KMT2A: variants seen among roughly 807,000 people sequenced by gnomAD.
KMT2A encodes lysine methyltransferase 2A.
Under a neutral mutation model 345.3 loss-of-function variants are expected in KMT2A, and 16 were observed. The ratio of observed to expected loss-of-function variants is 0.05; its 90% confidence interval spans 0.03 to 0.07. The LOEUF is 0.07. Among genes scored for constraint, KMT2A ranks in the 10% least tolerant of loss-of-function variants. The probability of loss-of-function intolerance (pLI) is 1.00; values close to 1 mark genes in which losing one functional copy is unlikely to be tolerated. For synonymous variants in KMT2A, 1,599 were observed against 1,778.6 expected (o/e 0.90, Z 2.54); for missense variants, 3,272 against 4,841.6 (o/e 0.68, Z 9.62).
At position 118,504,931 on chromosome 11, in the gene KMT2A, T is replaced by A. The variant is rs142875797; in HGVS notation, c.9039T>A (p.Gly3013=). 3.4e-4 allele frequency: 551 copies of A among 1,614,200 alleles called. 4 individuals carry two copies. In the African/African-American group the frequency reaches 6.2e-3, roughly 18 times the overall value. Residue 3013 remains glycine, a synonymous_variant, in exon 27 of 36, where the codon GGT becomes GGA. Coordinates refer to ENST00000534358, the MANE Select transcript of KMT2A (RefSeq NM_001197104.2). This position sits in a 1 kb window ranked among gnomAD's most constrained non-coding sequence, Gnocchi z 6.4. ...ACCACATCTCTAGCCCTCCTTGTGG[T>A]TCAGTAGAGCAAGGTCATGGCAACA... is the stretch of plus-strand genomic sequence containing the variant. ...DADHISSPPC[G]SVEQGHGNNQ...
intron 3 of KMT2A, among the ~76,000 whole-genome samples, chr11:118,474,830 A>G (rs145474318): frequency 2.6e-4 from 40 of 152,310 alleles, no homozygotes; most frequent in African/African-American, 9.4e-4. Flanking sequence ...GCAGAATACA[A>G]ATGAGAAGTA....
rs1555046985 is a variant in KMT2A, at chr11:118,503,974, A to G, written c.8082A>G (p.Ser2694=). Residue 2694 remains serine, a synonymous_variant, in exon 27 of 36, where the codon TCA becomes TCG. Coordinates refer to ENST00000534358, the MANE Select transcript of KMT2A (RefSeq NM_001197104.2). The surrounding 1 kb of genome is among the most constrained non-coding windows in gnomAD (Gnocchi z 5.3). ...YYNFTRTVIS[S]GGEERLASHN... ...ACTTCACTAGAACAGTGATTTCTTCAGGTGGAGAGGAACGACTGGCATCCC... is the reference window on the plus strand; with the variant it reads ...ACTTCACTAGAACAGTGATTTCTTCGGGTGGAGAGGAACGACTGGCATCCC... 6.2e-7 allele frequency: 1 copy of G among 1,614,202 alleles called. No homozygotes were observed. Among genetic ancestry groups the G allele is most frequent in the Admixed American group, 1.7e-5 (1 of 60,024 alleles).
intron 1 of KMT2A, among the ~76,000 whole-genome samples, chr11:118,451,457 G>A (rs1054357237): frequency 4.6e-5 from 7 of 151,366 alleles, no homozygotes; most frequent in Non-Finnish European, 8.8e-5. Context: ...GCGCAATTTC[G>A]GCTCATTGCA....
chr11:118,451,053 G>T (rs1343433581), intron 1 of KMT2A, among the ~76,000 whole-genome samples: 2 of 151,976 alleles, frequency 1.3e-5, no homozygotes, highest in Admixed American at 6.6e-5. Flanking sequence ...CCTAAAAATG[G>T]CTATCATAAA....
At chr11:118,500,013 T>A in intron 24 of KMT2A, 100 bp downstream of exon 24, 1 of 733,342 alleles carries the variant, frequency 1.4e-6, no homozygotes, top group Non-Finnish European at 2.4e-6. Flanking sequence ...TTAGCTACTT[T>A]AAACTGCTAC....
intron 1 of KMT2A, among the ~76,000 whole-genome samples, chr11:118,458,976 A>T (rs1949697295): frequency 6.6e-6 from 1 of 152,238 alleles, no homozygotes; most frequent in Admixed American, 6.5e-5. Flanking sequence ...CAAGTGCATC[A>T]GGAGTGATTT....
chr11:118,472,558 C>G lies in KMT2A; in HGVS notation c.1399C>G (p.Gln467Glu). 1 of 1,612,466 alleles carries G rather than the reference C, an allele frequency of 6.2e-7. No individual in the cohort carries two copies. Among genetic ancestry groups the G allele is most frequent in the Non-Finnish European group, 8.5e-7 (1 of 1,179,762 alleles). Residue 467 changes from glutamine to glutamate, a missense_variant, in exon 3 of 36, where the codon CAG becomes GAG. Transcript: ENST00000534358. ...TTCTGAAAAATCAAGTGCAGCTTCT[C>G]AGCACTCCTCTCAAATGTCTTCAGA... The part of the protein sequence containing the change: ...GSSEKSSAAS[Q>E]HSSQMSSDSS...
chr11:118,490,174 C>G lies in KMT2A; in HGVS notation c.4621C>G (p.Pro1541Ala). 6.2e-7 allele frequency: 1 copy of G among 1,609,350 alleles called. No individual in the cohort carries two copies. Among genetic ancestry groups the G allele is most frequent in the Non-Finnish European group, 8.5e-7 (1 of 1,178,850 alleles). Residue 1541 changes from proline (P) to alanine (A), a missense_variant, in exon 13 of 36, where the codon CCA (proline) becomes GCA (alanine). Physicochemically the swap from Pro to Ala is conservative, Grantham distance 27 (BLOSUM62 -1). Coordinates refer to ENST00000534358, the MANE Select transcript of KMT2A (RefSeq NM_001197104.2). The surrounding 1 kb of genome is among the most constrained non-coding windows in gnomAD (Gnocchi z 4.2). ...CTGTAAGAGCTGTGGATCCACAACTCCAGGCAAAGGGTGGGATGCACAGTG... is the reference window on the plus strand; with the variant it reads ...CTGTAAGAGCTGTGGATCCACAACTGCAGGCAAAGGGTGGGATGCACAGTG... ...VRCKSCGSTT[P>A]GKGWDAQWSH... is the part of the protein sequence containing the mutation.
At chr11:118,457,426 C>T (rs1235517338) in intron 1 of KMT2A, among the ~76,000 whole-genome samples, 1 of 151,614 alleles carries the variant, frequency 6.6e-6, no homozygotes, top group Non-Finnish European at 1.5e-5. Flanking sequence ...ACCACCACGC[C>T]TGGCTAATTT....
In KMT2A at chr11:118,522,683, C is replaced by T. The variant is rs1555053993; in HGVS notation, c.*511C>T. ...GAGGTCTGGTGGTTTTCCCTACTAT[C>T]CTCCCACTCGAGAGTTCACTTCTGG... On this transcript the variant is annotated 3_prime_UTR_variant, in exon 36 of 36. Transcript: ENST00000534358. The surrounding 1 kb of genome is among the most constrained non-coding windows in gnomAD (Gnocchi z 5.4). The T allele has an allele frequency of 9.1e-6, 2 of 218,630 alleles. No homozygotes were observed. Among genetic ancestry groups the T allele is most frequent in the African/African-American group, 2.3e-5 (1 of 44,294 alleles). 13.5% of individuals were successfully genotyped at this position (218,630 alleles called of 1,614,324 possible).
At chr11:118,447,712 T>C (rs782526778) in intron 1 of KMT2A, 1 of 438,288 alleles carries the variant, frequency 2.3e-6, no homozygotes, top group African/African-American at 2.0e-5. Context: ...GTCAGTCCTA[T>C]GAGGAAAGGT....
chr11:118,447,770 A>T (rs1306516676), intron 1 of KMT2A: 1 of 314,082 alleles, frequency 3.2e-6, no homozygotes, highest in East Asian at 9.4e-5. Context: ...TTCAAAAAAC[A>T]TGAATGGATC....
chr11:118,501,155 T>A lies in KMT2A; in HGVS notation c.6319+8T>A. On this transcript the variant is annotated splice_region_variant and intron_variant, in intron 25 of 35. Transcript: ENST00000534358. ...GTCCAACATCTTTTACAGGTTAGTCTTGAATCAAGATGGGACTTGAGGCTG... is the reference window on the plus strand; with the variant it reads ...GTCCAACATCTTTTACAGGTTAGTCATGAATCAAGATGGGACTTGAGGCTG... 1 of 1,611,896 alleles carries A rather than the reference T, an allele frequency of 6.2e-7. No homozygotes were observed. Among genetic ancestry groups the A allele is most frequent in the East Asian group, 2.2e-5 (1 of 44,826 alleles).
intron 31 of KMT2A, among the ~76,000 whole-genome samples, chr11:118,517,294 G>A (rs1950837310): frequency 6.6e-6 from 1 of 151,204 alleles, no homozygotes; most frequent in South Asian, 2.1e-4. Context: ...TACTCGGGAG[G>A]CTGAGGCAGC....
chr11:118,475,000 A>AT (rs2134276240), intron 3 of KMT2A, among the ~76,000 whole-genome samples: 1 of 151,216 alleles, frequency 6.6e-6, no homozygotes, highest in Non-Finnish European at 1.5e-5. Flanking sequence ...GGGCGTGGTG[A>AT]TGCATGCCTC....
chr11:118,506,203 T>A lies in KMT2A; in HGVS notation c.10311T>A (p.Thr3437=). 6.2e-7 allele frequency: 1 copy of A among 1,614,146 alleles called. No homozygotes were observed. Among genetic ancestry groups the A allele is most frequent in the Non-Finnish European group, 8.5e-7 (1 of 1,180,020 alleles). ...SSICVLPSTQ[T]TGITAASPSG... ...TCTGTGTGCTCCCCTCCACTCAGAC[T>A]ACGGGCATAACAGCCGCTTCACCTT... is the stretch of plus-strand genomic sequence containing the variant. The change falls in exon 27 of 36, where the codon ACT becomes ACA. Residue 3437 remains threonine (T), a synonymous_variant. Transcript: ENST00000534358.
rs115427385 is a variant in KMT2A, at chr11:118,441,275, G to A, written c.432+4331G>A. Among the ~76,000 whole-genome samples, 964 of 151,996 alleles carry A rather than the reference G, an allele frequency of 6.3e-3. 9 individuals carry two copies. Among genetic ancestry groups the A allele is most frequent in the African/African-American group, 0.021 (863 of 41,456 alleles). The stretch of plus-strand genomic sequence containing the variant: ...TCCTGAGTAGCTGGGATTCTGTTTG[G>A]TAATTTTTAATATCAGATTATACAT... On this transcript the variant is annotated intron_variant, in intron 1 of 35. Transcript: ENST00000534358.
At chr11:118,466,882 A>G (rs1378457066) in intron 1 of KMT2A, among the ~76,000 whole-genome samples, 1 of 152,192 alleles carries the variant, frequency 6.6e-6, no homozygotes, top group Non-Finnish European at 1.5e-5. Flanking sequence ...ATTAGTGATG[A>G]AAGAAGAAAC....
At chr11:118,500,645 A>G (rs1045161543) in intron 24 of KMT2A, 3 of 169,206 alleles carry the variant, frequency 1.8e-5, no homozygotes, top group Admixed American at 5.9e-5. Context: ...CTTTGTATAC[A>G]TTGTAAGGCA....
Sources: gnomAD v4.1 joint callset for allele counts (sites outside exome capture counted in the v4.1 genomes callset) on GRCh38, gnomAD v4.1.1 for gene constraint, Gnocchi (gnomAD v3.1) non-coding constraint, MANE v1.5 for transcripts, NCBI Gene and HGNC (gene_info 2026-07-23, HGNC 2026-07-21) for gene names.